The following KDM4C variants were observed in gnomAD, a reference collection of about 807,000 sequenced individuals.
The protein encoded by KDM4C is lysine-specific demethylase 4C.
Under a neutral mutation model 129.3 loss-of-function variants are expected in KDM4C, and 81 were observed. That is an observed-to-expected ratio of 0.63 (90% confidence interval 0.52 to 0.75). The LOEUF is 0.75. KDM4C is among the 30% of genes least tolerant of loss of function. KDM4C has a pLI of 0.00. For missense variants in KDM4C, 1,457 were observed against 1,304.0 expected (o/e 1.12, Z -1.81); for synonymous variants, 573 against 456.1 (o/e 1.26, Z -3.26).
At chr9:7,005,579 A>C (rs1376072083) in intron 12 of KDM4C, among the ~76,000 whole-genome samples, 2 of 151,984 alleles carry the variant, frequency 1.3e-5, no homozygotes, top group African/African-American at 2.4e-5. Flanking sequence ...AATTTTGCAA[A>C]CTCTCAAGGC....
At chr9:7,162,503 A>G (rs1843910792) in intron 19 of KDM4C, among the ~76,000 whole-genome samples, 2 of 152,214 alleles carry the variant, frequency 1.3e-5, no homozygotes, top group Admixed American at 6.5e-5. Flanking sequence ...AGGTTTTTGA[A>G]AAAAGAATTG....
intron 8 of KDM4C, among the ~76,000 whole-genome samples, chr9:6,900,140 T>A (rs919177084): frequency 2.1e-4 from 32 of 152,322 alleles, no homozygotes; most frequent in African/African-American, 7.2e-4. Context: ...TCAGAGATAA[T>A]TGCTTTCTGT....
intron 8 of KDM4C, among the ~76,000 whole-genome samples, chr9:6,966,692 G>T (rs572283221): frequency 6.6e-6 from 1 of 152,102 alleles, no homozygotes; most frequent in Admixed American, 6.6e-5. Context: ...ATGGTATTTA[G>T]TTTTTTGTCA....
At chr9:6,722,020 C>A (rs1289955468) in intron 1 of KDM4C, among the ~76,000 whole-genome samples, 1 of 152,148 alleles carries the variant, frequency 6.6e-6, no homozygotes, top group Non-Finnish European at 1.5e-5. Flanking sequence ...CCATGCCTGG[C>A]CTAAAAGCAA....
intron 2 of KDM4C, among the ~76,000 whole-genome samples, chr9:6,797,607 G>A (rs1429296204): frequency 6.6e-6 from 1 of 152,144 alleles, no homozygotes; most frequent in Non-Finnish European, 1.5e-5. Flanking sequence ...GGGTGAAATT[G>A]GTCCCCAACA....
intron 8 of KDM4C, among the ~76,000 whole-genome samples, chr9:6,950,042 G>GC (rs1563869274): frequency 8.2e-6 from 1 of 122,606 alleles, no homozygotes; most frequent in South Asian, 2.6e-4. Flanking sequence ...CATGTGGCTG[G>GC]TTTTTTTTTT....
chr9:7,029,292 CGT>C (rs1491252079), intron 15 of KDM4C, among the ~76,000 whole-genome samples: 1 of 80,072 alleles, frequency 1.2e-5, no homozygotes, highest in Non-Finnish European at 2.4e-5. Context: ...TTCCCCCCAC[CGT>C]TTTTTTTTTT....
chr9:6,927,462 T>G (rs1010457136), intron 8 of KDM4C, among the ~76,000 whole-genome samples: 1 of 152,184 alleles, frequency 6.6e-6, no homozygotes, highest in Non-Finnish European at 1.5e-5. Context: ...ATATAGTAAC[T>G]GTAGCTTCTA....
upstream of KDM4C, among the ~76,000 whole-genome samples, chr9:6,753,921 C>G (rs535080243): frequency 1.4e-3 from 173 of 124,182 alleles, 1 homozygote; most frequent in Middle Eastern, 0.042. Context: ...GTCACCCAGG[C>G]TGGAGTGCAG....
chr9:7,067,254 G>A (rs1832549889), intron 17 of KDM4C, among the ~76,000 whole-genome samples: 1 of 152,096 alleles, frequency 6.6e-6, no homozygotes, highest in South Asian at 2.1e-4. Context: ...TGTGCTTTTA[G>A]CCTCAGGCTG....
intron 17 of KDM4C, among the ~76,000 whole-genome samples, chr9:7,082,549 C>A (rs1254837118): frequency 6.6e-6 from 1 of 152,160 alleles, no homozygotes; most frequent in Non-Finnish European, 1.5e-5. Flanking sequence ...GCTCTGATTG[C>A]TTCCCATCCG....
rs1297016308 is a variant in KDM4C at position 6,987,646 on chromosome 9, A to G, written c.1677+980A>G. ...GCAAGGGAGGTTGTATAAGGACAGCAGCTTTGAATACCTTGCGTCTTATCA... is the reference window on the plus strand; with the variant it reads ...GCAAGGGAGGTTGTATAAGGACAGCGGCTTTGAATACCTTGCGTCTTATCA... On this transcript the variant is annotated intron_variant, in intron 11 of 21. Transcript: ENST00000381309. 2.0e-5 allele frequency among the ~76,000 whole-genome samples: 3 copies of G among 152,298 alleles called. No individual in the cohort carries two copies. The South Asian group carries it at 6.2e-4, about 32-fold the overall frequency.
chr9:6,982,608 GA>G, intron 9 of KDM4C: 2 of 152,292 alleles, frequency 1.3e-5, no homozygotes, highest in East Asian at 3.9e-4. Context: ...CAGTGTCTTT[GA>G]TAACTGTGTT....
intron 4 of KDM4C, among the ~76,000 whole-genome samples, chr9:6,833,681 G>A (rs564450888): frequency 5.9e-5 from 9 of 152,206 alleles, no homozygotes; most frequent in East Asian, 1.9e-4. Context: ...CCTCGTACAG[G>A]GCCTGCTCCC....
intron 13 of KDM4C, among the ~76,000 whole-genome samples, chr9:7,012,283 T>G (rs1359300543): frequency 6.6e-6 from 1 of 152,162 alleles, no homozygotes; most frequent in Admixed American, 6.5e-5. Flanking sequence ...CTTACTATGT[T>G]GCCTAGGCTA....
intron 4 of KDM4C, among the ~76,000 whole-genome samples, chr9:6,830,234 C>A (rs545578540): frequency 2.0e-5 from 3 of 152,112 alleles, no homozygotes; most frequent in Non-Finnish European, 2.9e-5. Context: ...CCAGGATAAC[C>A]GTGTATAGAT....
At chr9:7,141,143 T>G (rs1841701413) in intron 19 of KDM4C, among the ~76,000 whole-genome samples, 1 of 152,154 alleles carries the variant, frequency 6.6e-6, no homozygotes, top group African/African-American at 2.4e-5. Flanking sequence ...TGAAGTAGGT[T>G]TTTTTTGGCT....
At chr9:6,974,022 A>C (rs996643384) in intron 8 of KDM4C, 1 of 152,236 alleles carries the variant, frequency 6.6e-6, no homozygotes, top group Non-Finnish European at 1.5e-5. Flanking sequence ...CGAAATTGAA[A>C]AACCCAAAGA....
At chr9:6,842,180 T>C (rs1335037531) in intron 4 of KDM4C, among the ~76,000 whole-genome samples, 1 of 152,208 alleles carries the variant, frequency 6.6e-6, no homozygotes, top group Non-Finnish European at 1.5e-5. Flanking sequence ...ACTAACTTCA[T>C]ATTTATAGCC....
Sources: gnomAD v4.1 joint callset for allele counts (sites outside exome capture counted in the v4.1 genomes callset) on GRCh38, gnomAD v4.1.1 for gene constraint, MANE v1.5 for transcripts, NCBI Gene and HGNC (gene_info 2026-07-23, HGNC 2026-07-21) for gene names.